The following DIP2C variants were observed in gnomAD, a reference collection of about 807,000 sequenced individuals.
The protein encoded by DIP2C is DIP2 acetate--CoA ligase C (putative), also known as disco-interacting protein 2 homolog C.
Under a neutral mutation model 192.4 loss-of-function variants are expected in DIP2C, and 33 were observed. The observed-to-expected ratio is 0.17, with a 90% CI of 0.13 to 0.23. The LOEUF (loss-of-function observed/expected upper bound fraction) is 0.23, where lower values mean the gene tolerates loss of function less well. Among genes scored for constraint, DIP2C ranks in the 10% least tolerant of loss-of-function variants. The pLI is 1.00. For synonymous variants in DIP2C, 979 were observed against 864.1 expected (o/e 1.13, Z -2.33); for missense variants, 1,537 against 2,110.1 (o/e 0.73, Z 5.32).
intron 30 of DIP2C, among the ~76,000 whole-genome samples, chr10:329,141 C>T: frequency 6.6e-6 from 1 of 152,188 alleles, no homozygotes; most frequent in East Asian, 1.9e-4. Flanking sequence ...CTTCAGAACA[C>T]TGAATCCACC....
At chr10:600,102 A>G (rs1564251264) in intron 1 of DIP2C, among the ~76,000 whole-genome samples, 1 of 152,156 alleles carries the variant, frequency 6.6e-6, no homozygotes, top group South Asian at 2.1e-4. Flanking sequence ...CATAACTAAC[A>G]TGTATTTATG....
At chr10:365,622 C>CTT (rs1960097378) in intron 19 of DIP2C, among the ~76,000 whole-genome samples, 2 of 152,216 alleles carry the variant, frequency 1.3e-5, no homozygotes, top group South Asian at 4.1e-4. Flanking sequence ...TGTTGTGCTA[C>CTT]TTCTAAGGCC....
intron 28 of DIP2C, 30 bp downstream of exon 28, chr10:344,779 A>G (rs756500001): frequency 1.0e-5 from 16 of 1,552,926 alleles, no homozygotes; most frequent in Admixed American, 3.9e-5. Flanking sequence ...AGTTGCCTCC[A>G]TGGCCACCGC....
Position 422,935 on chromosome 10 carries a change from T to C in DIP2C, c.493A>G (p.Ser165Gly). 1 of 1,614,150 alleles carries C rather than the reference T, an allele frequency of 6.2e-7. No individual in the cohort carries two copies. The highest frequency in any genetic ancestry group is 8.5e-7 in the Non-Finnish European group (1 of 1,180,030). ...QGSINMEHWI[S>G]QAIHGSTTST... is the part of the protein sequence containing the mutation. ...GTGGTGGAGCCGTGGATGGCCTGGC[T>C]GATCCAGTGCTCCATATTGATGCTG... Residue 165 changes from serine to glycine, a missense_variant, in exon 5 of 37, where the codon AGC (serine) becomes GGC (glycine). Physicochemically the swap from Ser to Gly is moderately conservative, Grantham distance 56. Transcript: ENST00000280886.
Position 286,172 on chromosome 10 carries a change from T to C in DIP2C, c.4119+101A>G, listed in dbSNP as rs1955112676. On this transcript the variant is annotated intron_variant, in intron 34 of 36. Coordinates refer to ENST00000280886, the MANE Select transcript of DIP2C (RefSeq NM_014974.3). ...ATAACTCACTCAGCTCAAACCGGTG[T>C]GTGGCAGATGGAGGGCATGTGAGCA... 8 of 1,069,834 alleles carry C rather than the reference T, an allele frequency of 7.5e-6. No homozygotes were observed. The South Asian group carries it at 8.3e-5, about 11-fold the overall frequency. The allele number at this position is 1,069,834 out of a possible 1,614,324, so 66.3% of individuals were successfully genotyped here. A position where few individuals can be genotyped will look rare whatever the true frequency, so the allele number is the denominator to read the frequency against.
intron 1 of DIP2C, among the ~76,000 whole-genome samples, chr10:546,431 G>C (rs1400862813): frequency 6.6e-6 from 1 of 152,196 alleles, no homozygotes; most frequent in African/African-American, 2.4e-5. Context: ...ACGCCTCTCT[G>C]CACCTCGGAC....
At chr10:342,114 T>C (rs1017038447) in intron 28 of DIP2C, among the ~76,000 whole-genome samples, 6 of 152,066 alleles carry the variant, frequency 3.9e-5, no homozygotes, top group African/African-American at 1.2e-4. Flanking sequence ...ATAGTGCGTT[T>C]GAACAGCAAG....
chr10:487,348 T>C (rs777543083), intron 1 of DIP2C, among the ~76,000 whole-genome samples: 29 of 152,042 alleles, frequency 1.9e-4, no homozygotes, highest in Non-Finnish European at 7.4e-5. Context: ...ATATAGCAAA[T>C]GAATGAAAAG....
In DIP2C at chr10:686,068, AT is replaced by A. The variant is rs1831324778; in HGVS notation, c.85+3425del. On this transcript the variant is annotated intron_variant, in intron 1 of 36. Transcript: ENST00000280886. ...TAAAGTATCAGTTATTAATGAAATT[AT>A]TTTTAGGCCCTTTAAAGCCACAAAA... Among the ~76,000 whole-genome samples the A allele has an allele frequency of 3.3e-5, 5 of 152,360 alleles. No individual in the cohort carries two copies. The South Asian group carries it at 1.0e-3, about 32-fold the overall frequency.
chr10:449,865 TAC>T (rs946291261), intron 3 of DIP2C, among the ~76,000 whole-genome samples: 1 of 136,428 alleles, frequency 7.3e-6, no homozygotes, highest in Admixed American at 7.3e-5. Context: ...TAAAAACACA[TAC>T]ACACACACAA....
intron 1 of DIP2C, among the ~76,000 whole-genome samples, chr10:532,336 T>C (rs60836082): frequency 0.25 from 38,593 of 151,822 alleles, 6,789 homozygotes; most frequent in African/African-American, 0.5. Flanking sequence ...ACTCCCTCTC[T>C]CCCCTGGACA....
At chr10:612,943 G>A (rs985632601) in intron 1 of DIP2C, among the ~76,000 whole-genome samples, 4 of 152,072 alleles carry the variant, frequency 2.6e-5, no homozygotes, top group Non-Finnish European at 5.9e-5. Context: ...TAAGGGATCC[G>A]GCCCCCCTCC....
intron 10 of DIP2C, among the ~76,000 whole-genome samples, chr10:391,500 G>A (rs961607670): frequency 1.3e-5 from 2 of 152,206 alleles, no homozygotes; most frequent in Non-Finnish European, 2.9e-5. Flanking sequence ...CTCCGGTTTG[G>A]GAAGGTCAGA....
intron 32 of DIP2C, among the ~76,000 whole-genome samples, chr10:289,579 T>C (rs1189914594): frequency 6.6e-6 from 1 of 152,140 alleles, no homozygotes; most frequent in Non-Finnish European, 1.5e-5. Context: ...CACTGAGATT[T>C]GAAACACACC....
At chr10:337,619 T>C (rs1307696292) in intron 29 of DIP2C, among the ~76,000 whole-genome samples, 2 of 143,506 alleles carry the variant, frequency 1.4e-5, no homozygotes, top group African/African-American at 5.3e-5. Context: ...TAGGCAGCTG[T>C]GTGTGTGTGC....
chr10:671,819 A>AC (rs1830658749), intron 1 of DIP2C, among the ~76,000 whole-genome samples: 1 of 145,954 alleles, frequency 6.9e-6, no homozygotes, highest in Non-Finnish European at 1.5e-5. Flanking sequence ...GCACGGACGG[A>AC]GGAAACGCCA....
At chr10:442,661 T>C (rs983582386) in intron 3 of DIP2C, among the ~76,000 whole-genome samples, 3 of 152,252 alleles carry the variant, frequency 2.0e-5, no homozygotes, top group Non-Finnish European at 2.9e-5. Context: ...CGCTCCCCCA[T>C]GAATTTTCTA....
chr10:338,930 CCCTGCCT>C (rs995177434), intron 29 of DIP2C, among the ~76,000 whole-genome samples: 9 of 149,794 alleles, frequency 6.0e-5, no homozygotes, highest in African/African-American at 9.9e-5. Flanking sequence ...GCACCCTGCA[CCCTGCCT>C]GGCTCCCACA....
At chr10:598,743 CCAAG>C (rs1258041536) in intron 1 of DIP2C, among the ~76,000 whole-genome samples, 3 of 152,194 alleles carry the variant, frequency 2.0e-5, no homozygotes, top group Non-Finnish European at 4.4e-5. Context: ...TTGAGAATAA[CCAAG>C]CAAGAATCTT....
Sources: gnomAD v4.1 joint callset for allele counts (sites outside exome capture counted in the v4.1 genomes callset) on GRCh38, gnomAD v4.1.1 for gene constraint, MANE v1.5 for transcripts, NCBI Gene and HGNC (gene_info 2026-07-23, HGNC 2026-07-21) for gene names.